Variants in FLG observed in about 807,000 individuals in gnomAD.
FLG encodes filaggrin.
In FLG, 6 loss-of-function variants were observed where a neutral mutation model predicts 3.8. The observed-to-expected ratio is 1.60, with a 90% CI of 0.87 to 3.15. The LOEUF is 3.15. Among genes scored for constraint, FLG ranks in the 30% most tolerant of loss-of-function variants. The pLI is 0.00. For synonymous variants in FLG, 2,551 were observed against 1,931.6 expected, an observed-to-expected ratio of 1.32 and a Z score of -8.41; for missense variants, 7,595 against 5,050.9, an observed-to-expected ratio of 1.50 and a Z score of -15.27.
Position 152,307,120 on chromosome 1 carries a change from C to G in FLG, c.7766G>C (p.Arg2589Thr), listed in dbSNP as rs1160053862. The change falls in exon 3 of 3, where the codon AGA becomes ACA. Residue 2589 changes from arginine (R) to threonine (T), a missense_variant. Transcript: ENST00000368799. ...CTCCTGAGCAGATCCATGATGGTTT[C>G]TGGAAGCAGACCCAGACCACCTCTC... is the stretch of plus-strand genomic sequence containing the variant. Reference protein sequence around the residue: ...DSERWSGSASRNHHGSAQEQL... With the variant: ...DSERWSGSASTNHHGSAQEQL... The G allele has an allele frequency of 1.9e-6, 3 of 1,611,984 alleles. No homozygotes were observed. The highest frequency in any genetic ancestry group is 3.3e-5 in the Admixed American group (2 of 59,844).
rs1651731059 is a variant in FLG, at chr1:152,303,533, C to A, written c.11353G>T (p.Gly3785Trp). The A allele has an allele frequency of 6.2e-7, 1 of 1,614,076 alleles. No homozygotes were observed. Among genetic ancestry groups the A allele is most frequent in the African/African-American group, 1.3e-5 (1 of 75,028 alleles). ...GATGTGGTGTGGCTGTGATGGGACC[C>A]TGAGTGTCCAGACCTATCTACCGAT... ...EQSVDRSGHS[G>W]SHHSHTTSQG... Residue 3785 changes from glycine (G) to tryptophan (W), a missense_variant, in exon 3 of 3, where the codon GGG becomes TGG. Coordinates refer to ENST00000368799, the MANE Select transcript of FLG (RefSeq NM_002016.2).
At position 152,303,055 on chromosome 1, in the gene FLG, A is replaced by G; in HGVS notation, c.11831T>C (p.Ile3944Thr). ...ACTGTGAGGACTGCCACGTGACTGT[A>G]TTCCTGAGTGATACGCAGAATCTTG... Reference protein sequence around the residue: ...LSQDSAYHSGIQSRGSPHSSS... With the variant: ...LSQDSAYHSGTQSRGSPHSSS... The change falls in exon 3 of 3, where the codon ATA becomes ACA. Residue 3944 changes from isoleucine (I) to threonine (T), a missense_variant. Coordinates refer to ENST00000368799, the MANE Select transcript of FLG (RefSeq NM_002016.2). The G allele has an allele frequency of 6.2e-7, 1 of 1,614,158 alleles. No individual in the cohort carries two copies. The highest frequency in any genetic ancestry group is 8.5e-7 in the Non-Finnish European group (1 of 1,180,038).
chr1:152,307,486 C>T lies in FLG; in HGVS notation c.7400G>A (p.Gly2467Glu), dbSNP rs146768750. 8.9e-5 allele frequency: 143 copies of T among 1,613,264 alleles called. No homozygotes were observed. Among genetic ancestry groups the T allele is most frequent in the Admixed American group, 2.5e-4 (15 of 59,934 alleles). Reference sequence around the variant, plus strand: ...TCCCTGCCTTCCTCCACTGCTTGACCCCGGGTGTCCATGAATGGTGTCCTG... The same window carrying T: ...TCCCTGCCTTCCTCCACTGCTTGACTCCGGGTGTCCATGAATGGTGTCCTG... The part of the protein sequence containing the change: ...EGQDTIHGHP[G>E]SSSGGRQGSH... The change falls in exon 3 of 3, where the codon GGG (glycine) becomes GAG (glutamate). Residue 2467 changes from glycine (G) to glutamate (E), a missense_variant. By Grantham distance (98) the Gly-to-Glu change is moderately conservative. Coordinates refer to ENST00000368799, the MANE Select transcript of FLG (RefSeq NM_002016.2).
In FLG at chr1:152,311,365, C is replaced by T; in HGVS notation, c.3521G>A (p.Gly1174Glu). 3 of 1,613,658 alleles carry T rather than the reference C, an allele frequency of 1.9e-6. No homozygotes were observed. The highest frequency in any genetic ancestry group is 1.7e-6 in the Non-Finnish European group (2 of 1,179,948). Reference protein sequence around the residue: ...TIRAHPGSRRGGRQGSHHEQS... With the variant: ...TIRAHPGSRREGRQGSHHEQS... ...CTCATGGTGGGATCCCTGCCTTCCT[C>T]CTCTCCTTGACCCCGGGTGTGCACG... The change falls in exon 3 of 3, where the codon GGA (glycine) becomes GAA (glutamate). Residue 1174 changes from glycine (G) to glutamate (E), a missense_variant. Transcript: ENST00000368799.
intron 1 of FLG, among the ~76,000 whole-genome samples, chr1:152,320,464 T>A (rs1652922339): frequency 6.6e-6 from 1 of 151,114 alleles, no homozygotes; most frequent in South Asian, 2.1e-4. Flanking sequence ...CTGTTATTAT[T>A]ATATTCATAT....
rs751383400 is a variant in FLG, at chr1:152,309,893, G to T, written c.4993C>A (p.Gln1665Lys). 2.5e-6 allele frequency: 4 copies of T among 1,614,108 alleles called. No homozygotes were observed. The highest frequency in any genetic ancestry group is 1.1e-5 in the South Asian group (1 of 91,068). The change falls in exon 3 of 3, where the codon CAG becomes AAG. Residue 1665 changes from glutamine (Q) to lysine (K), a missense_variant. Transcript: ENST00000368799. The stretch of plus-strand genomic sequence containing the variant: ...GCCTGTTCCTGGGATGATGCAGCCT[G>T]TCCACCAGAGGAAGTCTCTGCATGA... ...TRHAETSSGGQAASSQEQARS... is the reference protein window; with the variant it reads ...TRHAETSSGGKAASSQEQARS...
At position 152,304,873 on chromosome 1, in the gene FLG, C is replaced by T. The variant is rs1456663008; in HGVS notation, c.10013G>A (p.Ser3338Asn). 5.6e-6 allele frequency: 9 copies of T among 1,613,882 alleles called. No individual in the cohort carries two copies. Among genetic ancestry groups the T allele is most frequent in the Non-Finnish European group, 7.6e-6 (9 of 1,179,960 alleles). ...RDSRHWGSSG[S>N]QASDSEGHSE... is the part of the protein sequence containing the mutation. ...ATGTCCCTCACTATCACTGGCCTGACTACCACTGGACCCCCAGTGTCTACT... is the reference window on the plus strand; with the variant it reads ...ATGTCCCTCACTATCACTGGCCTGATTACCACTGGACCCCCAGTGTCTACT... The change falls in exon 3 of 3, where the codon AGT becomes AAT. Residue 3338 changes from serine (S) to asparagine (N), a missense_variant. By Grantham distance (46) the Ser-to-Asn change is conservative. Coordinates refer to ENST00000368799, the MANE Select transcript of FLG (RefSeq NM_002016.2).
rs375863541 is a variant in FLG at position 152,307,032 on chromosome 1, G to A, written c.7854C>T (p.His2618=). 8 of 1,602,632 alleles carry A rather than the reference G, an allele frequency of 5.0e-6. No homozygotes were observed. The highest frequency in any genetic ancestry group is 2.2e-5 in the East Asian group (1 of 44,538). The change falls in exon 3 of 3, where the codon CAC becomes CAT. Residue 2618 remains histidine, a synonymous_variant. Coordinates refer to ENST00000368799, the MANE Select transcript of FLG (RefSeq NM_002016.2). The part of the protein sequence containing the change: ...SHQEDRAGHG[H]SADSSRQSGT... ...CTGATTGTCTGGAGCTGTCTGCAGAGTGCCCATGACCAGCTCTGTCTTCTT... is the reference window on the plus strand; with the variant it reads ...CTGATTGTCTGGAGCTGTCTGCAGAATGCCCATGACCAGCTCTGTCTTCTT...
rs1350473689 is a variant in FLG at position 152,308,413 on chromosome 1, A to G, written c.6473T>C (p.Val2158Ala). ...AGACCCTGAGTGTCCAGACCTATCT[A>G]CCGATTGCTCTTGGTGGGACCCCTG... ...GRQGSHQEQSVDRSGHSGSHH... is the reference protein window; with the variant it reads ...GRQGSHQEQSADRSGHSGSHH... Residue 2158 changes from valine (V) to alanine (A), a missense_variant, in exon 3 of 3, where the codon GTA (valine) becomes GCA (alanine). Physicochemically the swap from Val to Ala is moderately conservative, Grantham distance 64 (BLOSUM62 0). Transcript: ENST00000368799. The G allele has an allele frequency of 6.2e-7, 1 of 1,611,404 alleles. No individual in the cohort carries two copies. Among genetic ancestry groups the G allele is most frequent in the Admixed American group, 1.7e-5 (1 of 59,816 alleles).
Position 152,307,769 on chromosome 1 carries a change from C to T in FLG, c.7117G>A (p.Gly2373Arg), listed in dbSNP as rs557758384. 8 of 1,613,394 alleles carry T rather than the reference C, an allele frequency of 5.0e-6. No homozygotes were observed. The highest frequency in any genetic ancestry group is 6.8e-6 in the Non-Finnish European group (8 of 1,179,796). Residue 2373 changes from glycine to arginine, a missense_variant, in exon 3 of 3, where the codon GGA (glycine) becomes AGA (arginine). Gly to Arg is a moderately radical substitution (Grantham distance 125). Transcript: ENST00000368799. ...TGTGTGTCTGAGTCTTCTGAATGTC[C>T]CTCACTGTCACTGGCCTGACTACCA... ...SSGSQASDSE[G>R]HSEDSDTQSV...
Position 152,314,246 on chromosome 1 carries a change from C to T in FLG, c.640G>A (p.Val214Ile). ...CTTCCTGTATTTTCATAATCATATA[C>T]TCCTTCTTCATTGTCTTCTTTCTCT... ...LEEKEDNEEG[V>I]YDYENTGRMT... Residue 214 changes from valine (V) to isoleucine (I), a missense_variant, in exon 3 of 3, where the codon GTA becomes ATA. Coordinates refer to ENST00000368799, the MANE Select transcript of FLG (RefSeq NM_002016.2). 2 of 1,613,218 alleles carry T rather than the reference C, an allele frequency of 1.2e-6. No homozygotes were observed. The highest frequency in any genetic ancestry group is 8.5e-7 in the Non-Finnish European group (1 of 1,179,712).
rs762048350 is a variant in FLG at position 152,311,858 on chromosome 1, C to G, written c.3028G>C (p.Ala1010Pro). The G allele has an allele frequency of 1.2e-6, 2 of 1,613,896 alleles. No individual in the cohort carries two copies. Among genetic ancestry groups the G allele is most frequent in the African/African-American group, 1.3e-5 (1 of 74,884 alleles). ...GCCTGTCCACCAGAGGAAGTCTCTG[C>G]GTGAGGAGTTCCTGATTGTCTGGAG... The part of the protein sequence containing the change: ...DSSRQSGTPH[A>P]ETSSGGQAAS... Residue 1010 changes from alanine (A) to proline (P), a missense_variant, in exon 3 of 3, where the codon GCA (alanine) becomes CCA (proline). Physicochemically the swap from Ala to Pro is conservative, Grantham distance 27. Transcript: ENST00000368799.
chr1:152,322,031 G>C lies in FLG; in HGVS notation c.-22+3158C>G, dbSNP rs576898729. Among the ~76,000 whole-genome samples the C allele has an allele frequency of 1.4e-4, 21 of 150,952 alleles. No homozygotes were observed. In the South Asian group the frequency reaches 4.2e-3, roughly 30 times the overall value. On this transcript the variant is annotated intron_variant, in intron 1 of 2. Transcript: ENST00000368799. The stretch of plus-strand genomic sequence containing the variant: ...CAATTAAGTACTGAAATAGAATAAT[G>C]GGGAAAATTATATGAACCTCTCAAT...
In FLG at chr1:152,304,769, G is replaced by A. The variant is rs574781406; in HGVS notation, c.10117C>T (p.Arg3373Cys). The part of the protein sequence containing the change: ...PHQQSHQESA[R>C]DRSGGRSGRS... ...CCAGACCTTCCCCCTGACCGGTCAC[G>A]TGCGGACTCTTGGTGGCTCTGCTGA... The change falls in exon 3 of 3, where the codon CGT (arginine) becomes TGT (cysteine). Residue 3373 changes from arginine (R) to cysteine (C), a missense_variant. Transcript: ENST00000368799. 6.8e-5 allele frequency: 109 copies of A among 1,613,682 alleles called. No homozygotes were observed. The highest frequency in any genetic ancestry group is 5.0e-4 in the Middle Eastern group (3 of 6,058).
At chr1:152,319,966 A>G (rs1221300574) in intron 1 of FLG, among the ~76,000 whole-genome samples, 1 of 151,448 alleles carries the variant, frequency 6.6e-6, no homozygotes, top group Admixed American at 6.6e-5. Flanking sequence ...ATTAAAATAC[A>G]TAACAATCCC....
Position 152,312,722 on chromosome 1 carries a change from G to T in FLG, c.2164C>A (p.His722Asn). The T allele has an allele frequency of 6.2e-7, 1 of 1,614,026 alleles. No homozygotes were observed. The highest frequency in any genetic ancestry group is 8.5e-7 in the Non-Finnish European group (1 of 1,180,026). ...GCTTGTCCGTGCCCAGTGCCTGAGTGTCTGGAGCTGTCTGCTGACTGGAGC... is the reference window on the plus strand; with the variant it reads ...GCTTGTCCGTGCCCAGTGCCTGAGTTTCTGGAGCTGTCTGCTGACTGGAGC... ...HQLQSADSSRHSGTGHGQASS... is the reference protein window; with the variant it reads ...HQLQSADSSRNSGTGHGQASS... Residue 722 changes from histidine to asparagine, a missense_variant, in exon 3 of 3, where the codon CAC (histidine) becomes AAC (asparagine). Coordinates refer to ENST00000368799, the MANE Select transcript of FLG (RefSeq NM_002016.2).
Position 152,304,435 on chromosome 1 carries a change from C to T in FLG, c.10451G>A (p.Ser3484Asn), listed in dbSNP as rs1651802038. Residue 3484 changes from serine (S) to asparagine (N), a missense_variant, in exon 3 of 3, where the codon AGT (serine) becomes AAT (asparagine). Transcript: ENST00000368799. ...GTCATTACGAGTTTGTCTGCTGGCA[C>T]TTCTGGATCCTGACTGCCCACGGGA... ...DASRGQSGSR[S>N]ASRQTRNDEQ... The T allele has an allele frequency of 1.2e-6, 2 of 1,612,032 alleles. No homozygotes were observed. Among genetic ancestry groups the T allele is most frequent in the Non-Finnish European group, 1.7e-6 (2 of 1,179,216 alleles).
rs1157600761 is a variant in FLG, at chr1:152,308,473, A to G, written c.6413T>C (p.Ile2138Thr). 5 of 1,613,310 alleles carry G rather than the reference A, an allele frequency of 3.1e-6. No individual in the cohort carries two copies. The highest frequency in any genetic ancestry group is 4.2e-6 in the Non-Finnish European group (5 of 1,179,746). Residue 2138 changes from isoleucine (I) to threonine (T), a missense_variant, in exon 3 of 3, where the codon ATT becomes ACT. Transcript: ENST00000368799. ...TCTGCTTGGCCCCGGGTGTCCACGA[A>G]TGGTGTCCTGACCCTCTTGGGATGC... ...HSASQEGQDTIRGHPGPSRGG... is the reference protein window; with the variant it reads ...HSASQEGQDTTRGHPGPSRGG...
Position 152,308,416 on chromosome 1 carries a change from G to A in FLG, c.6470C>T (p.Ser2157Leu), listed in dbSNP as rs761306814. The change falls in exon 3 of 3, where the codon TCG becomes TTG. Residue 2157 changes from serine to leucine, a missense_variant. Transcript: ENST00000368799. ...GGRQGSHQEQSVDRSGHSGSH... is the reference protein window; with the variant it reads ...GGRQGSHQEQLVDRSGHSGSH... ...CCCTGAGTGTCCAGACCTATCTACC[G>A]ATTGCTCTTGGTGGGACCCCTGTCT... 1.2e-5 allele frequency: 19 copies of A among 1,613,780 alleles called. No individual in the cohort carries two copies. The highest frequency in any genetic ancestry group is 6.7e-5 in the African/African-American group (5 of 74,936).
Sources: allele counts gnomAD v4.1 joint callset (sites outside exome capture counted in the v4.1 genomes callset), GRCh38; gene constraint gnomAD v4.1.1; transcripts MANE v1.5; gene names NCBI Gene and HGNC (gene_info 2026-07-23, HGNC 2026-07-21).